HUS1: variants seen among roughly 807,000 people sequenced by gnomAD.
The protein encoded by HUS1 is HUS1 checkpoint clamp component.
A neutral mutation model predicts 32.6 loss-of-function variants in HUS1; 31 were observed. That is an observed-to-expected ratio of 0.95 (90% confidence interval 0.72 to 1.28). The LOEUF is 1.28. HUS1 is among the 50% of genes most tolerant of loss of function. The pLI, the probability that HUS1 is intolerant of heterozygous loss-of-function variation, is 0.00. For synonymous variants in HUS1, 123 were observed against 116.6 expected, an observed-to-expected ratio of 1.06 and a Z score of -0.36; for missense variants, 340 against 337.7, an observed-to-expected ratio of 1.01 and a Z score of -0.05.
intron 6 of HUS1, among the ~76,000 whole-genome samples, chr7:47,968,434 T>C (rs535190876): frequency 4.7e-4 from 71 of 152,360 alleles, no homozygotes; most frequent in Non-Finnish European, 8.8e-4. Flanking sequence ...TGGAGCAGGA[T>C]GCTCTTAACT....
intron 5 of HUS1, 73 bp from the exon 6 acceptor site, chr7:47,969,391 T>TGTGTGAA: frequency 2.6e-6 from 2 of 772,662 alleles, no homozygotes; most frequent in South Asian, 3.0e-5. Context: ...GCAACAGCTT[T>TGTGTGAA]CACACAACCA....
chr7:47,974,377 G>C (rs1788656002), intron 5 of HUS1, among the ~76,000 whole-genome samples: 1 of 152,192 alleles, frequency 6.6e-6, no homozygotes, highest in East Asian at 1.9e-4. Context: ...CTTCCAGAGG[G>C]GTGGTGGGGA....
At position 47,970,175 on chromosome 7, in the gene HUS1, G is replaced by T. The variant is rs556806713; in HGVS notation, c.541-857C>A. ...ATGAACCCGGGAGGCGGAACTTGCAGTGAGCCGAGATTGCGCCACTGCACT... is the reference window on the plus strand; with the variant it reads ...ATGAACCCGGGAGGCGGAACTTGCATTGAGCCGAGATTGCGCCACTGCACT... On this transcript the variant is annotated intron_variant, in intron 5 of 7. Coordinates refer to ENST00000258774, the MANE Select transcript of HUS1 (RefSeq NM_004507.4). 1.8e-3 allele frequency among the ~76,000 whole-genome samples: 271 copies of T among 146,778 alleles called. 2 individuals are homozygous for T. The highest frequency in any genetic ancestry group is 5.9e-3 in the Admixed American group (86 of 14,672).
rs569727629 is a variant in HUS1 at position 47,963,524 on chromosome 7, G to A, written c.*1832C>T. Reference sequence around the variant, plus strand: ...TCTCACTGCAGCTGGAATTAATTTCGTTACAATGAGAGGAGGAAGGGTTTA... The same window carrying A: ...TCTCACTGCAGCTGGAATTAATTTCATTACAATGAGAGGAGGAAGGGTTTA... On this transcript the variant is annotated 3_prime_UTR_variant, in exon 8 of 8. Transcript: ENST00000258774. 20 of 152,168 alleles carry A rather than the reference G, an allele frequency of 1.3e-4. No individual in the cohort carries two copies. The highest frequency in any genetic ancestry group is 4.1e-4 in the South Asian group (2 of 4,820). 9.4% of individuals were successfully genotyped at this position (152,168 alleles called of 1,614,324 possible).
In HUS1 at chr7:47,969,304, G is replaced by C; in HGVS notation, c.555C>G (p.Asn185Lys). 1 of 1,581,474 alleles carries C rather than the reference G, an allele frequency of 6.3e-7. No homozygotes were observed. The highest frequency in any genetic ancestry group is 8.7e-7 in the Non-Finnish European group (1 of 1,155,078). The change falls in exon 6 of 8, where the codon AAC becomes AAG. Residue 185 changes from asparagine to lysine, a missense_variant. Physicochemically the swap from Asn to Lys is moderately conservative, Grantham distance 94. Coordinates refer to ENST00000258774, the MANE Select transcript of HUS1 (RefSeq NM_004507.4). Reference protein sequence around the residue: ...NISNHLVIEANLDGELNLKIE... With the variant: ...NISNHLVIEAKLDGELNLKIE... ...TTTTCAAATTCAATTCTCCATCTAGGTTTGCTTCAATAACCTGCAAATTGA... is the reference window on the plus strand; with the variant it reads ...TTTTCAAATTCAATTCTCCATCTAGCTTTGCTTCAATAACCTGCAAATTGA...
At chr7:47,975,776 C>T (rs1788691206) in intron 4 of HUS1, 89 bp from the exon 5 acceptor site, 2 of 670,372 alleles carry the variant, frequency 3.0e-6, no homozygotes, top group South Asian at 3.6e-5. Flanking sequence ...CTCTAGAACA[C>T]ATGCATGCTC....
At chr7:47,972,191 T>A (rs1788613168) in intron 5 of HUS1, among the ~76,000 whole-genome samples, 1 of 152,236 alleles carries the variant, frequency 6.6e-6, no homozygotes, top group Admixed American at 6.5e-5. Context: ...TGACCTTAGC[T>A]CATTTGTTCC....
intron 1 of HUS1, 26 bp downstream of exon 1, chr7:47,979,442 C>A (rs374946857): frequency 4.7e-4 from 762 of 1,613,008 alleles, no homozygotes; most frequent in Non-Finnish European, 5.8e-4. Context: ...GTTCCTCCCT[C>A]GCTCCTCTCC....
At chr7:47,967,458 T>C (rs1583713795) in intron 7 of HUS1, among the ~76,000 whole-genome samples, 1 of 152,160 alleles carries the variant, frequency 6.6e-6, no homozygotes, top group Non-Finnish European at 1.5e-5. Flanking sequence ...CAGGTCAAAT[T>C]AGATGACCAT....
chr7:47,965,153 C>A lies in HUS1; in HGVS notation c.*203G>T. ...TCAGTGTCTTAAAAACAAAGCAAAA[C>A]AGACATGAGCAACATGAAGTGATAT... On this transcript the variant is annotated 3_prime_UTR_variant, in exon 8 of 8. Transcript: ENST00000258774. 1 of 438,350 alleles carries A rather than the reference C, an allele frequency of 2.3e-6. No individual in the cohort carries two copies. The highest frequency in any genetic ancestry group is 4.1e-6 in the Non-Finnish European group (1 of 242,386). 27.2% of individuals were successfully genotyped at this position (438,350 alleles called of 1,614,324 possible). A position where few individuals can be genotyped will look rare whatever the true frequency, so the allele number is the denominator to read the frequency against.
chr7:47,976,701 T>G (rs3176522), intron 4 of HUS1, 29 bp downstream of exon 4: 1 of 1,145,050 alleles, frequency 8.7e-7, no homozygotes, highest in East Asian at 2.3e-5. Context: ...TAATGTGGGG[T>G]GTACAGCAGG....
chr7:47,968,913 G>A (rs1451171340), intron 6 of HUS1: 1 of 245,550 alleles, frequency 4.1e-6, no homozygotes, highest in Non-Finnish European at 7.7e-6. Flanking sequence ...ATCTTTAGGA[G>A]TAGGACAGGA....
Position 47,967,805 on chromosome 7 carries a change from C to T in HUS1, c.760+1G>A. On this transcript the variant is annotated splice_donor_variant, in intron 7 of 7. Transcript: ENST00000258774. LOFTEE classifies it high-confidence loss of function. ...AAAACAAAACAGAGAAGCACACTCACTGCATAAGGCCTTTGTGGGATTTAC... is the reference window on the plus strand; with the variant it reads ...AAAACAAAACAGAGAAGCACACTCATTGCATAAGGCCTTTGTGGGATTTAC... The T allele has an allele frequency of 6.2e-7, 1 of 1,611,082 alleles. No individual in the cohort carries two copies. The highest frequency in any genetic ancestry group is 8.5e-7 in the Non-Finnish European group (1 of 1,178,718).
chr7:47,974,460 T>C lies in HUS1; in HGVS notation c.540+1153A>G, dbSNP rs147443395. On this transcript the variant is annotated intron_variant, in intron 5 of 7. Transcript: ENST00000258774. ...TGGAGAGAAGAAGCCATGTGTCAAATGGCAAAGAAACTGAACAAAAAAGAA... is the reference window on the plus strand; with the variant it reads ...TGGAGAGAAGAAGCCATGTGTCAAACGGCAAAGAAACTGAACAAAAAAGAA... Among the ~76,000 whole-genome samples, 502 of 152,204 alleles carry C rather than the reference T, an allele frequency of 3.3e-3. 2 individuals are homozygous for C. The highest frequency in any genetic ancestry group is 0.011 in the African/African-American group (477 of 41,532).
At chr7:47,971,020 TA>T (rs2128765371) in intron 5 of HUS1, among the ~76,000 whole-genome samples, 1 of 152,260 alleles carries the variant, frequency 6.6e-6, no homozygotes, top group Non-Finnish European at 1.5e-5. Flanking sequence ...GAACCAAAAC[TA>T]AACAACAGGA....
intron 5 of HUS1, among the ~76,000 whole-genome samples, chr7:47,975,345 A>AATG (rs1205332536): frequency 6.6e-6 from 1 of 151,804 alleles, no homozygotes; most frequent in Non-Finnish European, 1.5e-5. Flanking sequence ...AGAAAGATAC[A>AATG]ATGTTTCATA....
chr7:47,970,495 C>G (rs1335982171), intron 5 of HUS1, among the ~76,000 whole-genome samples: 1 of 150,448 alleles, frequency 6.6e-6, no homozygotes, highest in East Asian at 2.0e-4. Flanking sequence ...TAAAATTTAC[C>G]AAACAGAAAC....
chr7:47,971,808 T>G (rs1788606225), intron 5 of HUS1, among the ~76,000 whole-genome samples: 1 of 152,068 alleles, frequency 6.6e-6, no homozygotes, highest in African/African-American at 2.4e-5. Context: ...GAAGGCACTC[T>G]GTCTGCACGG....
At chr7:47,966,041 T>C (rs1484657296) in intron 7 of HUS1, among the ~76,000 whole-genome samples, 1 of 144,946 alleles carries the variant, frequency 6.9e-6, no homozygotes, top group Non-Finnish European at 1.5e-5. Flanking sequence ...CCAGCAGATA[T>C]GAGTGAGTGA....
Sources: allele counts gnomAD v4.1 joint callset (sites outside exome capture counted in the v4.1 genomes callset), GRCh38; gene constraint gnomAD v4.1.1; transcripts MANE v1.5; gene names NCBI Gene and HGNC (gene_info 2026-07-23, HGNC 2026-07-21).